The following SSH2 variants were observed in gnomAD, a reference collection of about 807,000 sequenced individuals.
SSH2 encodes the protein protein phosphatase Slingshot homolog 2.
In SSH2, 37 loss-of-function variants were observed where a neutral mutation model predicts 135.2. The observed-to-expected ratio is 0.27, with a 90% CI of 0.21 to 0.36. The LOEUF is 0.36. Among genes scored for constraint, SSH2 ranks in the 10% least tolerant of loss-of-function variants. SSH2 has a pLI of 1.00. For synonymous variants in SSH2, 628 were observed against 646.2 expected, an observed-to-expected ratio of 0.97 and a Z score of 0.43; for missense variants, 1,408 against 1,765.3, an observed-to-expected ratio of 0.80 and a Z score of 3.63.
At chr17:29,759,138 C>G (rs2041214868) in intron 3 of SSH2, among the ~76,000 whole-genome samples, 1 of 152,142 alleles carries the variant, frequency 6.6e-6, no homozygotes, top group Non-Finnish European at 1.5e-5. Context: ...TAGCCTCAAG[C>G]TATCTTTCCA....
intron 13 of SSH2, 83 bp from the exon 14 acceptor site, chr17:29,648,427 G>C (rs2036463609): frequency 8.6e-7 from 1 of 1,157,836 alleles, no homozygotes; most frequent in Admixed American, 2.8e-5. Flanking sequence ...ATTTTTCCAA[G>C]TGTCCTGTCC....
intron 3 of SSH2, among the ~76,000 whole-genome samples, chr17:29,738,558 T>TA (rs1332178143): frequency 6.7e-6 from 1 of 148,600 alleles, no homozygotes; most frequent in African/African-American, 2.5e-5. Context: ...TTATTTTATT[T>TA]TATTTTTTTT....
At chr17:29,866,203 A>T (rs2151416106) in intron 1 of SSH2, 1 of 152,340 alleles carries the variant, frequency 6.6e-6, no homozygotes, top group Non-Finnish European at 1.5e-5. Context: ...ACTGAAAACA[A>T]GCAGTACAAA....
chr17:29,842,817 T>C (rs1274319414), intron 2 of SSH2, among the ~76,000 whole-genome samples: 1 of 152,230 alleles, frequency 6.6e-6, no homozygotes, highest in Non-Finnish European at 1.5e-5. Context: ...ATCTTTTTTC[T>C]GACGATGGGC....
chr17:29,732,253 G>A (rs138040223), intron 3 of SSH2, among the ~76,000 whole-genome samples: 45 of 152,172 alleles, frequency 3.0e-4, no homozygotes, highest in African/African-American at 8.2e-4. Context: ...AAAGTTTGCA[G>A]AAGCATTCTA....
intron 4 of SSH2, among the ~76,000 whole-genome samples, chr17:29,701,475 A>C (rs1208090256): frequency 6.7e-6 from 1 of 149,380 alleles, no homozygotes; most frequent in African/African-American, 2.5e-5. Context: ...AGTGGTGCAA[A>C]GAGGGCTAAC....
chr17:29,912,287 T>C (rs1264033811), intron 1 of SSH2, among the ~76,000 whole-genome samples: 3 of 152,202 alleles, frequency 2.0e-5, no homozygotes, highest in Admixed American at 6.5e-5. Context: ...TAGATCTTTA[T>C]GGTATTGCTG....
chr17:29,825,968 T>C (rs2042735055), intron 2 of SSH2, among the ~76,000 whole-genome samples: 1 of 152,230 alleles, frequency 6.6e-6, no homozygotes, highest in African/African-American at 2.4e-5. Flanking sequence ...CAAGAATAGC[T>C]ACATATATTA....
intron 3 of SSH2, among the ~76,000 whole-genome samples, chr17:29,789,854 C>T (rs1240709862): frequency 6.6e-6 from 1 of 152,160 alleles, no homozygotes; most frequent in Admixed American, 6.5e-5. Context: ...ACCTATCAGT[C>T]CTACTTTCCT....
rs150050175 is a variant in SSH2, at chr17:29,826,101, C to T, written c.144+22748G>A. Among the ~76,000 whole-genome samples, 473 of 152,076 alleles carry T rather than the reference C, an allele frequency of 3.1e-3. 4 individuals carry two copies. The highest frequency in any genetic ancestry group is 5.2e-3 in the Non-Finnish European group (351 of 67,990). The stretch of plus-strand genomic sequence containing the variant: ...CAATGTATTCCATACAGGTATTAGT[C>T]AGAGGGGCTGCAAAAACACAAAGCA... On this transcript the variant is annotated intron_variant, in intron 2 of 15. Transcript: ENST00000540801.
intron 1 of SSH2, among the ~76,000 whole-genome samples, chr17:29,887,611 A>G (rs191089838): frequency 5.4e-4 from 83 of 152,340 alleles, no homozygotes; most frequent in Middle Eastern, 3.4e-3. Context: ...GGTGGTTGTC[A>G]GGACTGAATC....
chr17:29,698,957 G>A (rs1359776665), intron 4 of SSH2, among the ~76,000 whole-genome samples: 1 of 152,142 alleles, frequency 6.6e-6, no homozygotes, highest in Non-Finnish European at 1.5e-5. Context: ...CTTATTTGAA[G>A]CTCAGACAAA....
At chr17:29,706,302 A>G (rs770034136) in intron 3 of SSH2, among the ~76,000 whole-genome samples, 1 of 152,250 alleles carries the variant, frequency 6.6e-6, no homozygotes, top group Non-Finnish European at 1.5e-5. Flanking sequence ...TGAAGCTAAT[A>G]AAACCTTTGA....
At chr17:29,694,288 A>G (rs1184830715) in intron 5 of SSH2, among the ~76,000 whole-genome samples, 1 of 152,246 alleles carries the variant, frequency 6.6e-6, no homozygotes, top group Non-Finnish European at 1.5e-5. Flanking sequence ...ACAAAGAAAT[A>G]TGGTCATCTC....
chr17:29,837,555 A>T (rs1711959271), intron 2 of SSH2, among the ~76,000 whole-genome samples: 1 of 151,984 alleles, frequency 6.6e-6, no homozygotes, highest in African/African-American at 2.4e-5. Context: ...CCTGTGGCCC[A>T]TGTCCCCGAG....
At chr17:29,662,955 T>A (rs914126182) in intron 11 of SSH2, among the ~76,000 whole-genome samples, 1 of 152,226 alleles carries the variant, frequency 6.6e-6, no homozygotes, top group African/African-American at 2.4e-5. Context: ...AGGGTCTCTA[T>A]CAACATCTAG....
chr17:29,646,968 ATTT>A (rs1009547700), intron 14 of SSH2, among the ~76,000 whole-genome samples: 3 of 146,974 alleles, frequency 2.0e-5, no homozygotes, highest in African/African-American at 7.4e-5. Context: ...GATGGTACTT[ATTT>A]TTTTTTTTAA....
At chr17:29,710,763 T>C (rs1365728676) in intron 3 of SSH2, among the ~76,000 whole-genome samples, 4 of 152,124 alleles carry the variant, frequency 2.6e-5, no homozygotes, top group African/African-American at 9.7e-5. Context: ...CCCCTAAAAC[T>C]GGAAGGAAAA....
chr17:29,680,508 C>T (rs977730265), intron 6 of SSH2, among the ~76,000 whole-genome samples: 1 of 128,430 alleles, frequency 7.8e-6, no homozygotes, highest in Admixed American at 9.6e-5. Flanking sequence ...CTGAGATTTG[C>T]GCCATTGCAC....
Sources: gnomAD v4.1 joint callset for allele counts (sites outside exome capture counted in the v4.1 genomes callset) on GRCh38, gnomAD v4.1.1 for gene constraint, MANE v1.5 for transcripts, NCBI Gene and HGNC (gene_info 2026-07-23, HGNC 2026-07-21) for gene names.